Variants in IL1RAPL2 observed in about 807,000 individuals in gnomAD.
The protein encoded by IL1RAPL2 is X-linked interleukin-1 receptor accessory protein-like 2.
IL1RAPL2 carries 3 observed loss-of-function variants against 44.1 expected under a neutral mutation model. The ratio of observed to expected loss-of-function variants is 0.07; its 90% CI spans 0.03 to 0.18. The LOEUF is 0.18. Ranked by LOEUF, IL1RAPL2 falls within the 10% of genes least tolerant of loss-of-function variation. The pLI is 1.00. For synonymous variants in IL1RAPL2, 181 were observed against 178.8 expected (o/e 1.01, Z -0.10); for missense variants, 391 against 496.4 (o/e 0.79, Z 2.02).
At chrX:104,838,076 C>T (rs137966914) in intron 2 of IL1RAPL2, among the ~76,000 whole-genome samples, 1,523 of 111,539 alleles carry the variant, frequency 0.014, 28 homozygotes, top group African/African-American at 0.046. Flanking sequence ...TGTTCTGTTC[C>T]ATTGGTCTAG....
chrX:104,905,985 AGT>A (rs1398964337), intron 2 of IL1RAPL2, among the ~76,000 whole-genome samples: 1 of 109,637 alleles, frequency 9.1e-6, no homozygotes, highest in East Asian at 2.9e-4. Flanking sequence ...TTCCTTGAGC[AGT>A]GGTTTGTAGT....
At chrX:104,756,306 A>G (rs1350168859) in intron 2 of IL1RAPL2, among the ~76,000 whole-genome samples, 1 of 111,506 alleles carries the variant, frequency 9.0e-6, no homozygotes, top group Non-Finnish European at 1.9e-5. Flanking sequence ...CTTTTCACCC[A>G]ACTTGTTCCT....
At chrX:105,095,115 T>A (rs1303193470) in intron 2 of IL1RAPL2, among the ~76,000 whole-genome samples, 2 of 111,526 alleles carry the variant, frequency 1.8e-5, no homozygotes, top group Non-Finnish European at 3.8e-5. Context: ...AAATAGATAG[T>A]TTTACTTCTT....
intron 1 of IL1RAPL2, among the ~76,000 whole-genome samples, chrX:104,629,581 G>A (rs1929592007): frequency 9.0e-6 from 1 of 111,615 alleles, no homozygotes; most frequent in Admixed American, 9.5e-5. Context: ...ATACTTTTGA[G>A]GTCTTAGCCA....
chrX:105,361,606 C>G (rs756387196), intron 5 of IL1RAPL2, among the ~76,000 whole-genome samples: 10 of 110,977 alleles, frequency 9.0e-5, no homozygotes, highest in African/African-American at 2.9e-4. Context: ...ACATTTAGCT[C>G]TGAGATTTCT....
intron 2 of IL1RAPL2, among the ~76,000 whole-genome samples, chrX:105,028,186 G>A (rs1416447035): frequency 6.3e-5 from 7 of 111,335 alleles, no homozygotes; most frequent in Non-Finnish European, 1.1e-4. Context: ...GGGAAGGGTG[G>A]TGGAGAGCTG....
chrX:105,594,625 T>TA (rs1388715286), intron 6 of IL1RAPL2, among the ~76,000 whole-genome samples: 1 of 111,716 alleles, frequency 9.0e-6, no homozygotes, highest in African/African-American at 3.2e-5. Context: ...ATTTTCAAGT[T>TA]AAAAAAATTT....
At chrX:104,722,299 A>G (rs377050612) in intron 2 of IL1RAPL2, among the ~76,000 whole-genome samples, 1 of 111,747 alleles carries the variant, frequency 8.9e-6, no homozygotes, top group African/African-American at 3.2e-5. Context: ...TTTGAATTTT[A>G]TATTATTTTC....
intron 2 of IL1RAPL2, among the ~76,000 whole-genome samples, chrX:104,896,820 C>G (rs1333815659): frequency 9.0e-6 from 1 of 111,439 alleles, no homozygotes; most frequent in Non-Finnish European, 1.9e-5. Context: ...GTAACACTCA[C>G]TGCGAAGGTC....
intron 5 of IL1RAPL2, among the ~76,000 whole-genome samples, chrX:105,438,863 C>T (rs2035899429): frequency 9.0e-6 from 1 of 110,727 alleles, no homozygotes; most frequent in Admixed American, 9.7e-5. Flanking sequence ...CATTGCTTGG[C>T]TGTGTGTGCC....
intron 2 of IL1RAPL2, among the ~76,000 whole-genome samples, chrX:104,664,866 A>G (rs754277120): frequency 9.0e-6 from 1 of 111,407 alleles, no homozygotes; most frequent in South Asian, 3.8e-4. Context: ...ACATCAATAT[A>G]TTTACTTGTT....
chrX:105,083,587 A>C (rs1347592675), intron 2 of IL1RAPL2, among the ~76,000 whole-genome samples: 10 of 111,994 alleles, frequency 8.9e-5, no homozygotes, highest in African/African-American at 2.9e-4. Flanking sequence ...GATTACCCAC[A>C]AAGGTAAGTC....
At chrX:105,752,588 A>G (rs961833867) in intron 9 of IL1RAPL2, among the ~76,000 whole-genome samples, 5 of 112,332 alleles carry the variant, frequency 4.5e-5, no homozygotes, top group Middle Eastern at 4.6e-3. Context: ...AGGAAGGCTC[A>G]TTAGCCTTGC....
rs149322178 is a variant in IL1RAPL2 at position 105,080,165 on chromosome X, A to T, written c.83-115310A>T. 7.4e-3 allele frequency among the ~76,000 whole-genome samples: 834 copies of T among 112,037 alleles called. 12 individuals carry two copies. The highest frequency in any genetic ancestry group is 0.026 in the African/African-American group (796 of 30,841). On this transcript the variant is annotated intron_variant, in intron 2 of 10. Transcript: ENST00000372582. ...TTGCAAAAATTTTCTACCATTCTGT[A>T]GGTTGCCTGTTCACTCTGATGATAG...
At chrX:104,759,928 C>A (rs1932399497) in intron 2 of IL1RAPL2, among the ~76,000 whole-genome samples, 1 of 111,552 alleles carries the variant, frequency 9.0e-6, no homozygotes, top group African/African-American at 3.3e-5. Flanking sequence ...GCCCATTAAC[C>A]ATCTCCACCT....
At chrX:105,085,834 G>A (rs1237875377) in intron 2 of IL1RAPL2, among the ~76,000 whole-genome samples, 1 of 111,774 alleles carries the variant, frequency 8.9e-6, no homozygotes, top group Admixed American at 9.5e-5. Context: ...TATTTTTTAT[G>A]TTATATGTGT....
intron 6 of IL1RAPL2, among the ~76,000 whole-genome samples, chrX:105,646,678 C>T (rs1016943129): frequency 1.8e-5 from 2 of 111,894 alleles, no homozygotes; most frequent in African/African-American, 6.5e-5. Context: ...AGGTCAAAAG[C>T]CTCAAACCCT....
intron 2 of IL1RAPL2, among the ~76,000 whole-genome samples, chrX:104,933,323 T>C (rs1334969430): frequency 5.4e-5 from 6 of 111,496 alleles, no homozygotes; most frequent in Non-Finnish European, 9.4e-5. Context: ...TTTCCCCCCA[T>C]GCAGTCTAAA....
At chrX:105,634,536 G>A (rs2037511250) in intron 6 of IL1RAPL2, among the ~76,000 whole-genome samples, 2 of 111,758 alleles carry the variant, frequency 1.8e-5, no homozygotes, top group African/African-American at 6.5e-5. Flanking sequence ...AGGATTTGAT[G>A]TACTTAAATT....
Sources: gnomAD v4.1 joint callset for allele counts (sites outside exome capture counted in the v4.1 genomes callset) on GRCh38, gnomAD v4.1.1 for gene constraint, MANE v1.5 for transcripts, NCBI Gene and HGNC (gene_info 2026-07-23, HGNC 2026-07-21) for gene names.